The following KIDINS220 variants were observed in gnomAD, a reference collection of about 807,000 sequenced individuals.
The protein encoded by KIDINS220 is kinase D interacting substrate 220.
KIDINS220 carries 63 observed loss-of-function variants against 157.6 expected under a neutral mutation model. The ratio of observed to expected loss-of-function variants is 0.40; its 90% CI spans 0.33 to 0.49. The LOEUF (loss-of-function observed/expected upper bound fraction) is 0.49, where lower values mean the gene tolerates loss of function less well. Ranked by LOEUF, KIDINS220 falls within the 20% of genes least tolerant of loss-of-function variation. KIDINS220 has a pLI of 0.66. For synonymous variants in KIDINS220, 732 were observed against 783.6 expected (o/e 0.93, Z 1.10); for missense variants, 1,772 against 2,171.2 (o/e 0.82, Z 3.65).
chr2:8,776,695 T>C, intron 21 of KIDINS220, 53 bp downstream of exon 21: 2 of 1,514,066 alleles, frequency 1.3e-6, no homozygotes, highest in Non-Finnish European at 1.8e-6. Flanking sequence ...TTAAATGGTT[T>C]TGTGAATGCT....
At chr2:8,732,985 C>G (rs1163695635) in intron 29 of KIDINS220, among the ~76,000 whole-genome samples, 2 of 152,196 alleles carry the variant, frequency 1.3e-5, no homozygotes, top group Non-Finnish European at 2.9e-5. Context: ...ACATCTAATG[C>G]CAGACCAGAA....
rs961203010 is a variant in KIDINS220 at position 8,797,001 on chromosome 2, A to C, written c.1000-132T>G. On this transcript the variant is annotated intron_variant, in intron 10 of 29. Transcript: ENST00000256707. ...TTTAAAACCCTCTCAAGAAAACATA[A>C]AAGCTAACAACAAAAAAATGCTTTT... 4.3e-6 allele frequency: 3 copies of C among 703,196 alleles called. No homozygotes were observed. The African/African-American group carries it at 5.3e-5, about 13-fold the overall frequency. 43.6% of individuals were successfully genotyped at this position (703,196 alleles called of 1,614,324 possible). A position where few individuals can be genotyped will look rare whatever the true frequency, so the allele number is the denominator to read the frequency against.
chr2:8,730,637 G>T lies in KIDINS220; in HGVS notation c.*83C>A. 2.0e-6 allele frequency: 3 copies of T among 1,502,676 alleles called. No individual in the cohort carries two copies. In the South Asian group the frequency reaches 4.1e-5, roughly 21 times the overall value. The allele number at this position is 1,502,676 out of a possible 1,614,324, so 93.1% of individuals were successfully genotyped here. ...GTTATCTGTCAGCAAAATGTAGAAA[G>T]GTGATGGGCGTGGATGGAGTCAAAA... On this transcript the variant is annotated 3_prime_UTR_variant, in exon 30 of 30. Coordinates refer to ENST00000256707, the MANE Select transcript of KIDINS220 (RefSeq NM_020738.4).
intron 15 of KIDINS220, among the ~76,000 whole-genome samples, chr2:8,787,438 G>C (rs1475548497): frequency 4.7e-5 from 7 of 149,254 alleles, no homozygotes; most frequent in Non-Finnish European, 1.0e-4. Flanking sequence ...GCGTGATCTT[G>C]GCTCACTGTA....
chr2:8,739,295 G>C (rs966597365), intron 26 of KIDINS220, among the ~76,000 whole-genome samples: 4 of 152,086 alleles, frequency 2.6e-5, no homozygotes, highest in Admixed American at 6.5e-5. Flanking sequence ...TTTAAGAAAA[G>C]ACAGACACAT....
At chr2:8,806,125 G>T in intron 7 of KIDINS220, 146 bp downstream of exon 7, 1 of 632,680 alleles carries the variant, frequency 1.6e-6, no homozygotes, top group South Asian at 2.3e-5. Context: ...AACATTCTTA[G>T]AGTAACAGGA....
chr2:8,832,582 T>C (rs1049298124), intron 1 of KIDINS220, among the ~76,000 whole-genome samples: 2 of 152,214 alleles, frequency 1.3e-5, no homozygotes, highest in East Asian at 3.8e-4. Flanking sequence ...AAATTCGTTA[T>C]CTTACCATGT....
rs1465575150 is a variant in KIDINS220, at chr2:8,730,144, A to T, written c.*576T>A. ...GTGACTCACTTTGTTGGCAATTTTT[A>T]AAGCCCTCTTCATTATGTACTTCCT... On this transcript the variant is annotated 3_prime_UTR_variant, in exon 30 of 30. Transcript: ENST00000256707. 4 of 985,704 alleles carry T rather than the reference A, an allele frequency of 4.1e-6. No homozygotes were observed. Among genetic ancestry groups the T allele is most frequent in the East Asian group, 2.3e-4 (2 of 8,848 alleles). The allele number at this position is 985,704 out of a possible 1,614,324, so 61.1% of individuals were successfully genotyped here.
At chr2:8,743,208 T>C (rs1426371693) in intron 26 of KIDINS220, among the ~76,000 whole-genome samples, 1 of 152,156 alleles carries the variant, frequency 6.6e-6, no homozygotes, top group Non-Finnish European at 1.5e-5. Context: ...AACCTAGAAA[T>C]TCCTCTAAAT....
intron 26 of KIDINS220, among the ~76,000 whole-genome samples, chr2:8,742,080 A>G (rs779427953): frequency 2.0e-5 from 3 of 152,042 alleles, no homozygotes; most frequent in Non-Finnish European, 4.4e-5. Context: ...AGACAGCTTA[A>G]GTTCTAAACC....
At chr2:8,804,719 A>T (rs1023674920) in intron 7 of KIDINS220, among the ~76,000 whole-genome samples, 2 of 152,238 alleles carry the variant, frequency 1.3e-5, no homozygotes, top group Non-Finnish European at 2.9e-5. Flanking sequence ...TTTATTAAAC[A>T]ATTTGTACTA....
intron 4 of KIDINS220, among the ~76,000 whole-genome samples, chr2:8,813,586 T>C (rs1026757872): frequency 2.0e-5 from 3 of 152,218 alleles, no homozygotes; most frequent in South Asian, 2.1e-4. Flanking sequence ...GAACATTCAT[T>C]ATGAACTCTT....
chr2:8,776,855 G>A lies in KIDINS220; in HGVS notation c.2741C>T (p.Thr914Ile), dbSNP rs1444405120. The A allele has an allele frequency of 6.2e-7, 1 of 1,613,916 alleles. No homozygotes were observed. Reference protein sequence around the residue: ...YRRRQMQRTITRQMSFDLTKL... With the variant: ...YRRRQMQRTIIRQMSFDLTKL... ...TGTAAGATCAAAGGACATCTGGCGA[G>A]TGATGGTCCTCTGCATCTGCCTTCT... is the stretch of plus-strand genomic sequence containing the variant. The change falls in exon 21 of 30, where the codon ACT (threonine) becomes ATT (isoleucine). Residue 914 changes from threonine (T) to isoleucine (I), a missense_variant. Thr to Ile is a moderately conservative substitution (Grantham distance 89). Transcript: ENST00000256707.
At chr2:8,825,138 G>A (rs927826470) in intron 2 of KIDINS220, among the ~76,000 whole-genome samples, 28 of 152,032 alleles carry the variant, frequency 1.8e-4, no homozygotes, top group African/African-American at 4.6e-4. Context: ...TTAGGAGGCC[G>A]AGGTGGGCGA....
rs771613046 is a variant in KIDINS220 at position 8,751,649 on chromosome 2, A to C, written c.3012-5T>G. On this transcript the variant is annotated splice_polypyrimidine_tract_variant and splice_region_variant and intron_variant, in intron 22 of 29. Transcript: ENST00000256707. ...GTTGGAATATTCTTTGATATTCTTC[A>C]AATAAGAAATCAATGAAAAAGGTTA... is the stretch of plus-strand genomic sequence containing the variant. 1 of 1,565,084 alleles carries C rather than the reference A, an allele frequency of 6.4e-7. No homozygotes were observed.
intron 8 of KIDINS220, among the ~76,000 whole-genome samples, chr2:8,802,105 G>C (rs1036907871): frequency 1.3e-5 from 2 of 152,194 alleles, no homozygotes; most frequent in Admixed American, 6.5e-5. Flanking sequence ...ATGGCTGCAG[G>C]CTATGAAAAC....
Position 8,818,699 on chromosome 2 carries a change from T to C in KIDINS220, c.203A>G (p.Asp68Gly). The stretch of plus-strand genomic sequence containing the variant: ...GTAAATTATTTTAATATATACCAAA[T>C]CTTCCAGATTGCAGTTAGCTCCATT... ...IKNGANCNLE[D>G]LDNWTALISA... The change falls in exon 3 of 30, where the codon GAT becomes GGT. Residue 68 changes from aspartate (D) to glycine (G), a missense_variant. Physicochemically the swap from Asp to Gly is moderately conservative, Grantham distance 94. Around this residue, in one of 3 missense-constraint regions of KIDINS220, gnomAD observed 254 missense variants for 268.6 expected, o/e 0.95. Coordinates refer to ENST00000256707, the MANE Select transcript of KIDINS220 (RefSeq NM_020738.4). 1 of 1,541,524 alleles carries C rather than the reference T, an allele frequency of 6.5e-7. No individual in the cohort carries two copies. The highest frequency in any genetic ancestry group is 8.9e-7 in the Non-Finnish European group (1 of 1,119,204).
At chr2:8,792,658 T>C (rs1239837345) in intron 12 of KIDINS220, among the ~76,000 whole-genome samples, 1 of 152,164 alleles carries the variant, frequency 6.6e-6, no homozygotes, top group Admixed American at 6.5e-5. Context: ...TGTGGGGAAT[T>C]GTGGTATCTT....
At chr2:8,791,029 T>C in intron 13 of KIDINS220, 31 bp downstream of exon 13, 3 of 1,587,474 alleles carry the variant, frequency 1.9e-6, no homozygotes, top group Non-Finnish European at 1.7e-6. Context: ...TTGCTTTATA[T>C]ATACAGACTT....
Sources: gnomAD v4.1 joint callset for allele counts (sites outside exome capture counted in the v4.1 genomes callset) on GRCh38, gnomAD v4.1.1 for gene constraint, gnomAD v4.1.1 regional missense constraint, MANE v1.5 for transcripts, NCBI Gene and HGNC (gene_info 2026-07-23, HGNC 2026-07-21) for gene names.